Variants in CELF2 observed in about 807,000 individuals in gnomAD.
CELF2 encodes the protein CUGBP Elav-like family member 2, also known as CUG triplet repeat RNA-binding protein 2.
CELF2 carries 8 observed loss-of-function variants against 62.6 expected under a neutral mutation model. The ratio of observed to expected loss-of-function variants is 0.13; its 90% CI spans 0.07 to 0.23. The LOEUF is 0.23. CELF2 is among the 10% of genes least tolerant of loss of function. The probability of loss-of-function intolerance (pLI) is 1.00; values close to 1 mark genes in which losing one functional copy is unlikely to be tolerated. For missense variants in CELF2, 333 were observed against 671.0 expected (o/e 0.50, Z 5.56); for synonymous variants, 258 against 250.0 (o/e 1.03, Z -0.30).
chr10:10,626,998 T>C, the CELF2 span, among the ~76,000 whole-genome samples: 7 of 152,296 alleles, frequency 4.6e-5, no homozygotes, highest in South Asian at 1.4e-3. Context: ...AATTCCAAAC[T>C]CTAGGTCTCT....
intron 1 of CELF2, among the ~76,000 whole-genome samples, chr10:11,054,507 G>GTGTA (rs376793091): frequency 0.065 from 9,793 of 151,186 alleles, 353 homozygotes; most frequent in Middle Eastern, 0.14. Context: ...GTGTGTGTGT[G>GTGTA]TGTGTGTGTG....
In CELF2 at chr10:11,196,259, C is replaced by T. The variant is rs1298280686; in HGVS notation, c.272-21166C>T. Among the ~76,000 whole-genome samples the T allele has an allele frequency of 3.3e-5, 5 of 152,364 alleles. No homozygotes were observed. The East Asian group carries it at 9.6e-4, about 29-fold the overall frequency. On this transcript the variant is annotated intron_variant, in intron 2 of 12. Transcript: ENST00000633077. Reference sequence around the variant, plus strand: ...GGAAGAAAATGAAGATGGGGAGTAACTTGCTGCAGGCAGCTTAGCTCCTGC... The same window carrying T: ...GGAAGAAAATGAAGATGGGGAGTAATTTGCTGCAGGCAGCTTAGCTCCTGC...
intron 1 of CELF2, among the ~76,000 whole-genome samples, chr10:11,103,106 C>T (rs778267411): frequency 1.3e-5 from 2 of 152,160 alleles, no homozygotes; most frequent in East Asian, 1.9e-4. Context: ...CCTCACAATG[C>T]GGCTGCAATC....
the CELF2 span, among the ~76,000 whole-genome samples, chr10:10,616,285 TTTTG>T: frequency 4.0e-5 from 6 of 149,916 alleles, no homozygotes; most frequent in Non-Finnish European, 5.9e-5. Flanking sequence ...CTCTCAAAGG[TTTTG>T]TTTGGGGTGT....
chr10:10,992,811 G>A (rs929714890), intron 2 of CELF2, among the ~76,000 whole-genome samples: 2 of 152,192 alleles, frequency 1.3e-5, no homozygotes, highest in African/African-American at 4.8e-5. Context: ...CACAGTTACG[G>A]CAGTAGGTTA....
intron 1 of CELF2, among the ~76,000 whole-genome samples, chr10:11,107,556 A>C (rs986700494): frequency 6.6e-6 from 1 of 152,036 alleles, no homozygotes; most frequent in Admixed American, 6.5e-5. Context: ...TATTTGACAA[A>C]TACTTGGGGA....
In CELF2 at chr10:11,314,566, C is replaced by G. The variant is rs867798325; in HGVS notation, c.1096+308C>G. The G allele has an allele frequency of 4.8e-6, 2 of 416,252 alleles. No homozygotes were observed. Among genetic ancestry groups the G allele is most frequent in the Admixed American group, 6.9e-5 (2 of 28,894 alleles). 25.8% of individuals were successfully genotyped at this position (416,252 alleles called of 1,614,324 possible). Reference sequence around the variant, plus strand: ...GAGTTTGGTTTGGTTTGGTTTCGGTCGGTTCTGTCCTGCGAGGCAGGGTGT... The same window carrying G: ...GAGTTTGGTTTGGTTTGGTTTCGGTGGGTTCTGTCCTGCGAGGCAGGGTGT... On this transcript the variant is annotated intron_variant, in intron 10 of 12. Coordinates refer to ENST00000633077, the MANE Select transcript of CELF2 (RefSeq NM_001326342.2). The surrounding 1 kb of genome is among the most constrained non-coding windows in gnomAD (Gnocchi z 5.3).
the CELF2 span, among the ~76,000 whole-genome samples, chr10:10,525,928 T>C: frequency 1.3e-5 from 2 of 152,232 alleles, no homozygotes; most frequent in Admixed American, 1.3e-4. Flanking sequence ...GCTGTACTAG[T>C]TTACATCCCC....
At position 10,969,978 on chromosome 10, in the gene CELF2, C is replaced by A. The variant is rs183486653; in HGVS notation, c.89+49979C>A. Among the ~76,000 whole-genome samples the A allele has an allele frequency of 2.9e-3, 443 of 152,260 alleles. 2 individuals are homozygous for A. Among genetic ancestry groups the A allele is most frequent in the Non-Finnish European group, 2.9e-3 (199 of 68,032 alleles). ...TGATAGGGAAGACAAGGATGCTTCA[C>A]CAAGCCATGGAGGGGGGCGGCTTCT... On this transcript the variant is annotated intron_variant, in intron 2 of 13. Transcript: ENST00000636488.
rs12098256 is a variant in CELF2, at chr10:10,926,172, G to A, written c.89+6173G>A. On this transcript the variant is annotated intron_variant, in intron 2 of 13. Coordinates refer to the CELF2 transcript ENST00000636488. ...AATTCAGAGCCTCTATGGTCTGAAT[G>A]TGTCCCCCACAATTCATGTGCTGGA... Among the ~76,000 whole-genome samples, 311 of 152,288 alleles carry A rather than the reference G, an allele frequency of 2.0e-3. 4 individuals carry two copies. The highest frequency in any genetic ancestry group is 7.3e-3 in the African/African-American group (303 of 41,544).
chr10:11,275,332 G>A (rs879752100), intron 8 of CELF2, among the ~76,000 whole-genome samples: 11 of 152,178 alleles, frequency 7.2e-5, no homozygotes, highest in Admixed American at 2.6e-4. Context: ...GTGCATGACC[G>A]CTATAGAATG....
At chr10:10,699,573 A>C in the CELF2 span, among the ~76,000 whole-genome samples, 7 of 152,252 alleles carry the variant, frequency 4.6e-5, no homozygotes, top group Non-Finnish European at 1.0e-4. Context: ...ATTTGCAGTT[A>C]TCTAGGTAGA....
At chr10:10,741,492 CAAA>C in the CELF2 span, among the ~76,000 whole-genome samples, 43 of 57,282 alleles carry the variant, frequency 7.5e-4, no homozygotes, top group Middle Eastern at 0.012. Context: ...GACTCCGTCT[CAAA>C]AAAAAAAAAA....
chr10:10,586,688 T>C, the CELF2 span, among the ~76,000 whole-genome samples: 2 of 152,148 alleles, frequency 1.3e-5, no homozygotes, highest in Non-Finnish European at 2.9e-5. Flanking sequence ...TCCTTGAAAT[T>C]AGAATCATCA....
the CELF2 span, among the ~76,000 whole-genome samples, chr10:10,512,401 C>CTTTTTTTTTTTTTTTTTTTTTTTTTT: frequency 1.8e-5 from 2 of 109,148 alleles, no homozygotes; most frequent in Non-Finnish European, 3.7e-5. Context: ...TTTTGGAACG[C>CTTTTTTTTTTTTTTTTTTTTTTTTTT]TTTTTTTTTT....
At chr10:11,000,571 T>C (rs2054418740), upstream of CELF2, among the ~76,000 whole-genome samples, 2 of 152,092 alleles carry the variant, frequency 1.3e-5, no homozygotes, top group Non-Finnish European at 2.9e-5. Flanking sequence ...GAGTCTCCAT[T>C]TGGAATTTAG....
rs1437280562 is a variant in CELF2, at chr10:11,159,340, G to T, written c.75-6146G>T. Among the ~76,000 whole-genome samples the T allele has an allele frequency of 6.6e-6, 1 of 152,230 alleles. No homozygotes were observed. The highest frequency in any genetic ancestry group is 2.4e-5 in the African/African-American group (1 of 41,458). On this transcript the variant is annotated intron_variant, in intron 1 of 12. Transcript: ENST00000633077. This position sits in a 1 kb window ranked among gnomAD's most constrained non-coding sequence, Gnocchi z 5.0. ...GTTAAGACATAGCTGTGTCAGAAAG[G>T]TGGCAAACTCTGCCCTGCCGAAAGG...
the CELF2 span, among the ~76,000 whole-genome samples, chr10:10,567,273 A>C: frequency 6.6e-6 from 1 of 152,298 alleles, no homozygotes; most frequent in Admixed American, 6.5e-5. Flanking sequence ...CTTCCAACAA[A>C]CCGACCAGGA....
intron 9 of CELF2, among the ~76,000 whole-genome samples, chr10:11,301,397 G>A (rs1264073087): frequency 2.2e-4 from 3 of 13,428 alleles, no homozygotes; most frequent in Non-Finnish European, 4.7e-4. Flanking sequence ...CCCTCCCCCC[G>A]CTTCCCCCCC....
Sources: allele counts gnomAD v4.1 joint callset (sites outside exome capture counted in the v4.1 genomes callset), GRCh38; gene constraint gnomAD v4.1.1; non-coding constraint Gnocchi (gnomAD v3.1); transcripts MANE v1.5; gene names NCBI Gene and HGNC (gene_info 2026-07-23, HGNC 2026-07-21).